Variants in NR3C2 observed in about 807,000 individuals in gnomAD.
The protein encoded by NR3C2 is nuclear receptor subfamily 3 group C member 2, also known as mineralocorticoid receptor.
NR3C2 carries 15 observed loss-of-function variants against 86.4 expected under a neutral mutation model. That is an observed-to-expected ratio of 0.17 (90% CI 0.12 to 0.27). The LOEUF is 0.27. NR3C2 is among the 10% of genes least tolerant of loss of function. The pLI is 1.00. For missense variants in NR3C2, 960 were observed against 1,195.6 expected (o/e 0.80, Z 2.91); for synonymous variants, 458 against 450.5 (o/e 1.02, Z -0.21).
At chr4:148,096,102 C>A (rs1454231444) in intron 8 of NR3C2, among the ~76,000 whole-genome samples, 3 of 152,116 alleles carry the variant, frequency 2.0e-5, no homozygotes, top group Non-Finnish European at 2.9e-5. Context: ...TTAAAAGCCT[C>A]ATTCTAGACC....
chr4:148,213,387 G>T (rs1466024537), intron 3 of NR3C2, among the ~76,000 whole-genome samples: 1 of 152,148 alleles, frequency 6.6e-6, no homozygotes, highest in Non-Finnish European at 1.5e-5. Context: ...AAAGTCTAAG[G>T]AATGTCAAAC....
chr4:148,382,614 A>T (rs181122041), intron 2 of NR3C2, among the ~76,000 whole-genome samples: 72 of 152,344 alleles, frequency 4.7e-4, no homozygotes, highest in African/African-American at 1.7e-3. Context: ...TTTATAGCAC[A>T]TAAAATTAAT....
At chr4:148,172,940 T>A (rs1165794581) in intron 4 of NR3C2, among the ~76,000 whole-genome samples, 1 of 152,186 alleles carries the variant, frequency 6.6e-6, no homozygotes, top group Non-Finnish European at 1.5e-5. Flanking sequence ...CAAAACTGTC[T>A]AAAAGGGAAT....
chr4:148,142,575 A>AC (rs1441926581), intron 6 of NR3C2, among the ~76,000 whole-genome samples: 1 of 151,914 alleles, frequency 6.6e-6, no homozygotes, highest in African/African-American at 2.4e-5. Flanking sequence ...GCTCCCTGCA[A>AC]CCTCCGCCTC....
At chr4:148,339,297 T>TCAGA in intron 2 of NR3C2, among the ~76,000 whole-genome samples, 1 of 152,290 alleles carries the variant, frequency 6.6e-6, no homozygotes, top group Non-Finnish European at 1.5e-5. Context: ...GTATGCTCTG[T>TCAGA]CAGAATTCAA....
intron 2 of NR3C2, among the ~76,000 whole-genome samples, chr4:148,267,081 T>C (rs946891034): frequency 1.3e-5 from 2 of 152,176 alleles, no homozygotes; most frequent in Admixed American, 6.5e-5. Flanking sequence ...CTAGGAGCCA[T>C]ATATGTCAGG....
chr4:148,176,891 C>T (rs918365702), intron 4 of NR3C2, among the ~76,000 whole-genome samples: 11 of 152,256 alleles, frequency 7.2e-5, no homozygotes, highest in African/African-American at 1.2e-4. Flanking sequence ...TAACAATATA[C>T]GCTTATTTTC....
Position 148,292,931 on chromosome 4 carries a change from A to G in NR3C2, c.1758-32814T>C, listed in dbSNP as rs577753793. 2.6e-5 allele frequency among the ~76,000 whole-genome samples: 4 copies of G among 152,294 alleles called. No homozygotes were observed. In the South Asian group the frequency reaches 8.3e-4, roughly 32 times the overall value. On this transcript the variant is annotated intron_variant, in intron 2 of 8. Transcript: ENST00000358102. ...AAACTATACTCAAGGCCTTCTAGACACCAAGGCTAGCACAGGGAAAGGGGA... is the reference window on the plus strand; with the variant it reads ...AAACTATACTCAAGGCCTTCTAGACGCCAAGGCTAGCACAGGGAAAGGGGA...
intron 6 of NR3C2, among the ~76,000 whole-genome samples, chr4:148,126,510 G>A (rs111937522): frequency 6.6e-6 from 1 of 152,242 alleles, no homozygotes; most frequent in African/African-American, 2.4e-5. Context: ...GTTTTCAGAA[G>A]GTAGAAATAA....
At chr4:148,373,583 T>C (rs1425794001) in intron 2 of NR3C2, among the ~76,000 whole-genome samples, 1 of 150,502 alleles carries the variant, frequency 6.6e-6, no homozygotes, top group East Asian at 2.0e-4. Context: ...CAAGCGATTA[T>C]CCAGCCTCAG....
At chr4:148,134,070 C>T (rs948172574) in intron 6 of NR3C2, among the ~76,000 whole-genome samples, 4 of 152,156 alleles carry the variant, frequency 2.6e-5, no homozygotes, top group African/African-American at 7.2e-5. Context: ...GTAGTTTCTT[C>T]TATTGGAATC....
At chr4:148,316,784 T>G (rs1743205347) in intron 2 of NR3C2, among the ~76,000 whole-genome samples, 1 of 152,126 alleles carries the variant, frequency 6.6e-6, no homozygotes, top group African/African-American at 2.4e-5. Context: ...TTGTTTTTTC[T>G]TTTTTGTTGT....
chr4:148,429,276 T>C (rs1250612475), intron 2 of NR3C2, among the ~76,000 whole-genome samples: 1 of 152,194 alleles, frequency 6.6e-6, no homozygotes, highest in African/African-American at 2.4e-5. Flanking sequence ...CATATATTTA[T>C]CTCAAAAACT....
At chr4:148,130,788 T>G (rs184753916) in intron 6 of NR3C2, among the ~76,000 whole-genome samples, 1 of 123,386 alleles carries the variant, frequency 8.1e-6, no homozygotes, top group East Asian at 2.7e-4. Context: ...AATGAACACG[T>G]TTTTTTTTTT....
At chr4:148,163,361 C>T (rs1194323660) in intron 4 of NR3C2, among the ~76,000 whole-genome samples, 1 of 152,172 alleles carries the variant, frequency 6.6e-6, no homozygotes, top group East Asian at 1.9e-4. Flanking sequence ...ATGTACATTC[C>T]TGACTTAACA....
intron 2 of NR3C2, among the ~76,000 whole-genome samples, chr4:148,347,452 C>T (rs890663824): frequency 1.3e-5 from 2 of 152,072 alleles, no homozygotes; most frequent in Non-Finnish European, 2.9e-5. Context: ...GGGTCACGTT[C>T]GCTTACCACT....
At chr4:148,304,202 C>T (rs781690031) in intron 2 of NR3C2, among the ~76,000 whole-genome samples, 12 of 152,118 alleles carry the variant, frequency 7.9e-5, no homozygotes, top group African/African-American at 2.2e-4. Flanking sequence ...ACACTCCCCT[C>T]GGATGCATCC....
At chr4:148,110,249 A>G (rs1198546339) in intron 8 of NR3C2, among the ~76,000 whole-genome samples, 3 of 152,210 alleles carry the variant, frequency 2.0e-5, no homozygotes, top group African/African-American at 7.2e-5. Flanking sequence ...TGTTCCTTTC[A>G]CCCACCTTGG....
At chr4:148,131,815 C>T (rs78224246) in intron 6 of NR3C2, among the ~76,000 whole-genome samples, 1 of 152,256 alleles carries the variant, frequency 6.6e-6, no homozygotes, top group African/African-American at 2.4e-5. Context: ...ATTTTATCAC[C>T]TTAGTTGATG....
Sources: gnomAD v4.1 joint callset for allele counts (sites outside exome capture counted in the v4.1 genomes callset) on GRCh38, gnomAD v4.1.1 for gene constraint, MANE v1.5 for transcripts, NCBI Gene and HGNC (gene_info 2026-07-23, HGNC 2026-07-21) for gene names.